The following SHISA9 variants were observed in gnomAD, a reference collection of about 807,000 sequenced individuals.
SHISA9 encodes protein shisa-9.
Under a neutral mutation model 38.0 loss-of-function variants are expected in SHISA9, and 13 were observed. The ratio of observed to expected loss-of-function variants is 0.34; its 90% confidence interval spans 0.22 to 0.54. The LOEUF is 0.54. Ranked by LOEUF, SHISA9 falls within the 20% of genes least tolerant of loss-of-function variation. The pLI is 0.91. For synonymous variants in SHISA9, 275 were observed against 242.0 expected, an observed-to-expected ratio of 1.14 and a Z score of -1.27; for missense variants, 538 against 575.8, an observed-to-expected ratio of 0.93 and a Z score of 0.67.
the SHISA9 span, among the ~76,000 whole-genome samples, chr16:13,533,186 T>C: frequency 0.02 from 3,049 of 152,312 alleles, 49 homozygotes; most frequent in Non-Finnish European, 0.034. Context: ...TGTCTGCTCT[T>C]ACTTTCTTCC....
the SHISA9 span, among the ~76,000 whole-genome samples, chr16:13,273,084 C>G: frequency 1.4e-4 from 21 of 152,198 alleles, no homozygotes; most frequent in African/African-American, 4.8e-4. Context: ...TACATTTCAC[C>G]CCATTCCACT....
chr16:13,000,079 A>G (rs990308084), intron 2 of SHISA9, among the ~76,000 whole-genome samples: 9 of 152,174 alleles, frequency 5.9e-5, no homozygotes, highest in African/African-American at 1.9e-4. Context: ...TTTTTTACGC[A>G]TAAGTGTCAT....
intron 1 of SHISA9, among the ~76,000 whole-genome samples, chr16:12,906,576 A>G (rs971272179): frequency 1.3e-5 from 2 of 152,248 alleles, no homozygotes; most frequent in African/African-American, 2.4e-5. Flanking sequence ...CATGGCAGCC[A>G]GCTATGGATA....
the SHISA9 span, chr16:13,350,347 C>T: frequency 2.0e-5 from 3 of 152,394 alleles, no homozygotes; most frequent in Non-Finnish European, 4.4e-5. Flanking sequence ...TGGAGTTGGA[C>T]TGAGCCATGC....
At chr16:13,278,389 C>T in the SHISA9 span, among the ~76,000 whole-genome samples, 14 of 151,772 alleles carry the variant, frequency 9.2e-5, no homozygotes, top group South Asian at 2.1e-4. Context: ...CCTTTGGTTA[C>T]GTCCTTTCCT....
chr16:13,116,795 T>C (rs1567217694), intron 2 of SHISA9, among the ~76,000 whole-genome samples: 1 of 152,164 alleles, frequency 6.6e-6, no homozygotes, highest in Non-Finnish European at 1.5e-5. Flanking sequence ...ACGTGAATAG[T>C]GCCTAACACA....
chr16:13,138,218 A>G (rs1188049836), intron 2 of SHISA9, among the ~76,000 whole-genome samples: 1 of 152,198 alleles, frequency 6.6e-6, no homozygotes, highest in Non-Finnish European at 1.5e-5. Flanking sequence ...ATGGAAATGC[A>G]AAATCTGAGG....
chr16:12,911,711 G>A (rs1376874639), intron 1 of SHISA9: 1 of 152,130 alleles, frequency 6.6e-6, no homozygotes, highest in African/African-American at 2.4e-5. Context: ...GACTGTAATT[G>A]TTTTACCCTT....
intron 2 of SHISA9, among the ~76,000 whole-genome samples, chr16:13,075,674 A>G (rs2073572834): frequency 6.6e-6 from 1 of 152,188 alleles, no homozygotes; most frequent in Admixed American, 6.5e-5. Context: ...CGCTTCACAT[A>G]TTATCATAGC....
intron 2 of SHISA9, among the ~76,000 whole-genome samples, chr16:13,019,833 T>TTTC (rs2072809501): frequency 9.1e-6 from 1 of 109,618 alleles, no homozygotes; most frequent in Non-Finnish European, 1.9e-5. Flanking sequence ...TCTTTCTTTC[T>TTTC]TTTTCCTTCC....
chr16:13,478,688 A>G, the SHISA9 span, among the ~76,000 whole-genome samples: 1 of 152,238 alleles, frequency 6.6e-6, no homozygotes, highest in Non-Finnish European at 1.5e-5. Context: ...TTGAAAAACA[A>G]CAGATCTTTC....
chr16:13,547,110 G>A, the SHISA9 span, among the ~76,000 whole-genome samples: 1 of 152,098 alleles, frequency 6.6e-6, no homozygotes. Context: ...ATTACTTTGG[G>A]AAATCATGCA....
At chr16:13,153,552 T>A (rs1261918263) in intron 2 of SHISA9, among the ~76,000 whole-genome samples, 1 of 152,152 alleles carries the variant, frequency 6.6e-6, no homozygotes, top group Non-Finnish European at 1.5e-5. Context: ...ATGTGGGATT[T>A]CCACAACAGA....
chr16:13,352,283 G>C, the SHISA9 span, among the ~76,000 whole-genome samples: 1 of 152,116 alleles, frequency 6.6e-6, no homozygotes, highest in African/African-American at 2.4e-5. Context: ...ATAAAAATTA[G>C]CAAAAACAGT....
At chr16:12,991,829 G>C (rs2072390201) in intron 2 of SHISA9, among the ~76,000 whole-genome samples, 1 of 152,068 alleles carries the variant, frequency 6.6e-6, no homozygotes, top group Non-Finnish European at 1.5e-5. Context: ...GATACTGATA[G>C]ATCCTTTTCC....
chr16:13,017,581 G>A (rs1438541419), intron 2 of SHISA9, among the ~76,000 whole-genome samples: 1 of 146,614 alleles, frequency 6.8e-6, no homozygotes, highest in Non-Finnish European at 1.5e-5. Flanking sequence ...ATAATTCGTT[G>A]ACTGGTATTG....
At chr16:13,391,886 C>G in the SHISA9 span, among the ~76,000 whole-genome samples, 73 of 152,296 alleles carry the variant, frequency 4.8e-4, no homozygotes, top group African/African-American at 1.5e-3. Context: ...AAAAGTCCAT[C>G]TGTTTGGAAT....
At position 12,957,894 on chromosome 16, in the gene SHISA9, T is replaced by C. The variant is rs575470719; in HGVS notation, c.691+41079T>C. On this transcript the variant is annotated intron_variant, in intron 2 of 4. Transcript: ENST00000558583. ...GACAGAGAGAGCTCTGGTCTTTTTC[T>C]ATTCTTGTAAAGACACTGATACCAG... 8.5e-5 allele frequency among the ~76,000 whole-genome samples: 13 copies of C among 152,290 alleles called. No homozygotes were observed. In the East Asian group the frequency reaches 2.3e-3, roughly 27 times the overall value.
At chr16:13,431,264 G>A in the SHISA9 span, among the ~76,000 whole-genome samples, 2 of 152,268 alleles carry the variant, frequency 1.3e-5, no homozygotes, top group African/African-American at 4.8e-5. Context: ...AAACTCAGTT[G>A]TTCACCTTTG....
Sources: allele counts gnomAD v4.1 joint callset (sites outside exome capture counted in the v4.1 genomes callset), GRCh38; gene constraint gnomAD v4.1.1; transcripts MANE v1.5; gene names NCBI Gene and HGNC (gene_info 2026-07-23, HGNC 2026-07-21).